Variants in HSD17B3 observed in about 807,000 individuals in gnomAD.
The protein encoded by HSD17B3 is hydroxysteroid 17-beta dehydrogenase 3.
Under a neutral mutation model 41.1 loss-of-function variants are expected in HSD17B3, and 29 were observed. The observed-to-expected ratio is 0.71, with a 90% confidence interval of 0.53 to 0.96. The LOEUF (loss-of-function observed/expected upper bound fraction) is 0.96, where lower values mean the gene tolerates loss of function less well. Among genes scored for constraint, HSD17B3 ranks in the 40% least tolerant of loss-of-function variants. The pLI is 0.00. For missense variants in HSD17B3, 323 were observed against 374.6 expected, an observed-to-expected ratio of 0.86 and a Z score of 1.14; for synonymous variants, 126 against 145.6, an observed-to-expected ratio of 0.87 and a Z score of 0.97.
chr9:96,250,588 C>T lies in HSD17B3; in HGVS notation c.454-802G>A, dbSNP rs138508169. ...AGAAAGGGTCAACAAATTGTGCCTT[C>T]AAAAACTGTTAAATGCGGCCGGGCG... On this transcript the variant is annotated intron_variant, in intron 5 of 10. Coordinates refer to ENST00000375263, the MANE Select transcript of HSD17B3 (RefSeq NM_000197.2). 3 of 549,778 alleles carry T rather than the reference C, an allele frequency of 5.5e-6. No individual in the cohort carries two copies. In the East Asian group the frequency reaches 2.2e-4, roughly 41 times the overall value. 34.1% of individuals were successfully genotyped at this position (549,778 alleles called of 1,614,324 possible).
intron 9 of HSD17B3, 30 bp from the exon 10 acceptor site, chr9:96,240,937 G>C (rs1260064902): frequency 6.2e-7 from 1 of 1,613,734 alleles, no homozygotes; most frequent in Non-Finnish European, 8.5e-7. Flanking sequence ...CCATGGCACA[G>C]AAGCAATCCA....
At chr9:96,235,648 T>C (rs1836207613) in intron 10 of HSD17B3, 78 bp from the exon 11 acceptor site, 11 of 1,171,250 alleles carry the variant, frequency 9.4e-6, no homozygotes, top group Non-Finnish European at 1.1e-5. Context: ...TCTTTAAAAA[T>C]ATTTTTTTCT....
chr9:96,269,033 A>T (rs904844232), intron 2 of HSD17B3, among the ~76,000 whole-genome samples: 3 of 152,146 alleles, frequency 2.0e-5, no homozygotes, highest in African/African-American at 7.2e-5. Context: ...GAAATGCATT[A>T]TTAGGCAGTT....
chr9:96,275,791 C>A, intron 2 of HSD17B3, among the ~76,000 whole-genome samples: 1 of 151,364 alleles, frequency 6.6e-6, no homozygotes, highest in African/African-American at 2.4e-5. Flanking sequence ...CAAATCAATG[C>A]AAAAAATCAT....
At chr9:96,238,223 A>C (rs1371036532) in intron 10 of HSD17B3, among the ~76,000 whole-genome samples, 1 of 152,192 alleles carries the variant, frequency 6.6e-6, no homozygotes, top group Non-Finnish European at 1.5e-5. Context: ...TTTTTCTACA[A>C]GGAAACATTT....
At chr9:96,272,992 G>C (rs756314100) in intron 2 of HSD17B3, among the ~76,000 whole-genome samples, 10 of 152,168 alleles carry the variant, frequency 6.6e-5, no homozygotes, top group Non-Finnish European at 1.5e-4. Flanking sequence ...ATCCCACTTA[G>C]ATAACATTCT....
intron 1 of HSD17B3, among the ~76,000 whole-genome samples, chr9:96,301,006 A>G (rs1027119787): frequency 6.6e-6 from 1 of 152,224 alleles, no homozygotes; most frequent in Non-Finnish European, 1.5e-5. Context: ...TTGTAAATTT[A>G]GAGATGAGGA....
At chr9:96,267,663 G>A (rs1005109668) in intron 2 of HSD17B3, among the ~76,000 whole-genome samples, 7 of 151,966 alleles carry the variant, frequency 4.6e-5, no homozygotes, top group African/African-American at 1.7e-4. Flanking sequence ...TACAATTGAT[G>A]AAATCCTTTT....
At chr9:96,288,453 C>T (rs1017376465) in intron 2 of HSD17B3, among the ~76,000 whole-genome samples, 3 of 152,100 alleles carry the variant, frequency 2.0e-5, no homozygotes, top group Admixed American at 1.3e-4. Flanking sequence ...CCCCAACCTG[C>T]AATCTCCACA....
chr9:96,247,889 C>G (rs1183274467), intron 6 of HSD17B3, among the ~76,000 whole-genome samples: 1 of 152,164 alleles, frequency 6.6e-6, no homozygotes, highest in Admixed American at 6.5e-5. Context: ...TATCTCCAGA[C>G]GGCTTCTTTA....
At chr9:96,274,457 T>C (rs1214666240) in intron 2 of HSD17B3, among the ~76,000 whole-genome samples, 1 of 151,970 alleles carries the variant, frequency 6.6e-6, no homozygotes, top group Non-Finnish European at 1.5e-5. Flanking sequence ...TGAGACTCCA[T>C]CTCAAAATAA....
intron 3 of HSD17B3, among the ~76,000 whole-genome samples, chr9:96,253,844 C>T (rs140185654): frequency 6.6e-5 from 10 of 152,208 alleles, no homozygotes; most frequent in African/African-American, 2.4e-4. Flanking sequence ...TGTCTCGGTC[C>T]TAGTCAAAGT....
In HSD17B3 at chr9:96,241,001, C is replaced by T. The variant is rs111650785; in HGVS notation, c.673-94G>A. 19 of 1,442,160 alleles carry T rather than the reference C, an allele frequency of 1.3e-5. No individual in the cohort carries two copies. The South Asian group carries it at 1.5e-4, about 11-fold the overall frequency. 89.3% of individuals were successfully genotyped at this position (1,442,160 alleles called of 1,614,324 possible). ...CTCAAGCCCCCATCCCACCATTTCC[C>T]GACCCTTCTCTTCCTAGGCAAAGTT... On this transcript the variant is annotated intron_variant, in intron 9 of 10. Transcript: ENST00000375263.
chr9:96,293,488 C>A (rs74408558), intron 2 of HSD17B3, among the ~76,000 whole-genome samples: 2 of 151,944 alleles, frequency 1.3e-5, no homozygotes, highest in Non-Finnish European at 2.9e-5. Flanking sequence ...TAACCATGTG[C>A]GTCAATTCCT....
intron 2 of HSD17B3, among the ~76,000 whole-genome samples, chr9:96,293,155 T>C (rs1827217250): frequency 1.3e-5 from 2 of 152,220 alleles, no homozygotes; most frequent in African/African-American, 2.4e-5. Flanking sequence ...TTCTTCTCTG[T>C]AGCGGTGAAC....
chr9:96,272,540 T>C (rs1826306827), intron 2 of HSD17B3, among the ~76,000 whole-genome samples: 1 of 145,694 alleles, frequency 6.9e-6, no homozygotes, highest in East Asian at 2.0e-4. Context: ...TACACAACCA[T>C]CATAATGGCT....
intron 2 of HSD17B3, among the ~76,000 whole-genome samples, chr9:96,293,334 T>C (rs1321257283): frequency 6.6e-6 from 1 of 152,140 alleles, no homozygotes; most frequent in African/African-American, 2.4e-5. Flanking sequence ...CTGAGGGCCT[T>C]AAGAAAACAA....
intron 2 of HSD17B3, among the ~76,000 whole-genome samples, chr9:96,257,749 C>G (rs1825723730): frequency 6.6e-6 from 1 of 152,170 alleles, no homozygotes; most frequent in South Asian, 2.1e-4. Flanking sequence ...CTACATAGCT[C>G]TTAGTATATA....
chr9:96,278,577 G>C (rs1253676838), intron 2 of HSD17B3, among the ~76,000 whole-genome samples: 4 of 152,110 alleles, frequency 2.6e-5, no homozygotes, highest in Non-Finnish European at 5.9e-5. Flanking sequence ...CCCTGCTTGT[G>C]TCCAGCTGGG....
Sources: gnomAD v4.1 joint callset for allele counts (sites outside exome capture counted in the v4.1 genomes callset) on GRCh38, gnomAD v4.1.1 for gene constraint, MANE v1.5 for transcripts, NCBI Gene and HGNC (gene_info 2026-07-23, HGNC 2026-07-21) for gene names.